The following PKP1 variants were observed in gnomAD, a reference collection of about 807,000 sequenced individuals.
PKP1 encodes plakophilin-1.
PKP1 carries 27 observed loss-of-function variants against 76.4 expected under a neutral mutation model. The ratio of observed to expected loss-of-function variants is 0.35; its 90% CI spans 0.26 to 0.49. The LOEUF (loss-of-function observed/expected upper bound fraction) is 0.49. Ranked by LOEUF, PKP1 falls within the 20% of genes least tolerant of loss-of-function variation. The pLI, the probability that PKP1 is intolerant of heterozygous loss-of-function variation, is 0.99. For missense variants in PKP1, 964 were observed against 955.2 expected (o/e 1.01, Z -0.12); for synonymous variants, 404 against 384.2 (o/e 1.05, Z -0.60).
At position 201,293,937 on chromosome 1, in the gene PKP1, T is replaced by C; in HGVS notation, c.203-5T>C. The C allele has an allele frequency of 6.2e-7, 1 of 1,602,848 alleles. No homozygotes were observed. Among genetic ancestry groups the C allele is most frequent in the East Asian group, 2.2e-5 (1 of 44,770 alleles). ...CCTGTCCTAATCCCCTCCTTTCTCCTCTAGGTTCCATGTATGATGGCTTGG... is the reference window on the plus strand; with the variant it reads ...CCTGTCCTAATCCCCTCCTTTCTCCCCTAGGTTCCATGTATGATGGCTTGG... On this transcript the variant is annotated splice_region_variant and splice_polypyrimidine_tract_variant and intron_variant, in intron 1 of 13. Transcript: ENST00000367324.
intron 2 of PKP1, among the ~76,000 whole-genome samples, chr1:201,294,437 G>T (rs1267565457): frequency 6.6e-6 from 1 of 152,130 alleles, no homozygotes; most frequent in Non-Finnish European, 1.5e-5. Context: ...CTGTGCCTAT[G>T]GTCAAAGAGC....
At chr1:201,311,967 T>G (rs1244772227) in intron 2 of PKP1, among the ~76,000 whole-genome samples, 2 of 152,202 alleles carry the variant, frequency 1.3e-5, no homozygotes, top group Admixed American at 6.5e-5. Context: ...GGAGGCCGAC[T>G]CCCCACTTGG....
intron 12 of PKP1, among the ~76,000 whole-genome samples, chr1:201,328,002 G>A (rs114121038): frequency 4.4e-3 from 673 of 152,290 alleles, no homozygotes; most frequent in Non-Finnish European, 5.8e-3. Context: ...GCAGGGCTTC[G>A]AACCGGCTGC....
intron 2 of PKP1, among the ~76,000 whole-genome samples, chr1:201,307,053 T>G (rs1656392233): frequency 6.6e-6 from 1 of 152,188 alleles, no homozygotes; most frequent in Admixed American, 6.5e-5. Context: ...CTGCTGTGCC[T>G]TCTCTCAGTG....
intron 1 of PKP1, among the ~76,000 whole-genome samples, chr1:201,288,965 A>G (rs1655819264): frequency 6.6e-6 from 1 of 152,188 alleles, no homozygotes; most frequent in African/African-American, 2.4e-5. Flanking sequence ...TCTGTTCAGT[A>G]CGTACACCCA....
chr1:201,313,659 A>G, intron 3 of PKP1, 99 bp downstream of exon 3: 1 of 1,281,758 alleles, frequency 7.8e-7, no homozygotes, highest in Non-Finnish European at 1.1e-6. Context: ...GGATGACAGG[A>G]GAGACATAGC....
intron 2 of PKP1, among the ~76,000 whole-genome samples, chr1:201,310,989 A>G (rs1656531408): frequency 1.3e-5 from 2 of 152,224 alleles, no homozygotes; most frequent in Admixed American, 1.3e-4. Context: ...AGGCTCAATC[A>G]GCATGATCAC....
intron 1 of PKP1, among the ~76,000 whole-genome samples, chr1:201,286,993 C>T (rs832168): frequency 0.64 from 96,529 of 152,010 alleles, 35,006 homozygotes; most frequent in East Asian, 0.91. Flanking sequence ...ATACAGATCA[C>T]ACCCAGCTCA....
intron 8 of PKP1, among the ~76,000 whole-genome samples, chr1:201,322,635 G>A (rs1177499893): frequency 6.6e-6 from 1 of 152,134 alleles, no homozygotes; most frequent in African/African-American, 2.4e-5. Flanking sequence ...CCCAGGGTGG[G>A]TCAAACCTAC....
At chr1:201,295,840 G>A (rs1163651858) in intron 2 of PKP1, among the ~76,000 whole-genome samples, 1 of 151,800 alleles carries the variant, frequency 6.6e-6, no homozygotes, top group East Asian at 1.9e-4. Flanking sequence ...ATGGAAATTT[G>A]TAACCAAGAA....
chr1:201,313,350 G>A lies in PKP1; in HGVS notation c.491G>A (p.Arg164Gln), dbSNP rs143927870. The A allele has an allele frequency of 2.0e-5, 32 of 1,585,600 alleles. No individual in the cohort carries two copies. Among genetic ancestry groups the A allele is most frequent in the Non-Finnish European group, 2.3e-5 (27 of 1,165,826 alleles). ...RSEPDLYCDPRGTLRKGTLGS... is the reference protein window; with the variant it reads ...RSEPDLYCDPQGTLRKGTLGS... ...GAGCCCGACCTCTACTGTGACCCAC[G>A]GGGCACCCTGCGCAAGGGCACGCTG... The change falls in exon 3 of 14, where the codon CGG becomes CAG. Residue 164 changes from arginine (R) to glutamine (Q), a missense_variant. Physicochemically the swap from Arg to Gln is conservative, Grantham distance 43. Coordinates refer to ENST00000367324, the MANE Select transcript of PKP1 (RefSeq NM_001005337.3).
intron 2 of PKP1, among the ~76,000 whole-genome samples, chr1:201,295,514 T>G (rs1431674993): frequency 6.6e-6 from 1 of 152,196 alleles, no homozygotes; most frequent in African/African-American, 2.4e-5. Context: ...GGCTTAGGAA[T>G]GCAGCATAAA....
chr1:201,289,465 C>T lies in PKP1; in HGVS notation c.203-4477C>T, dbSNP rs75622683. Among the ~76,000 whole-genome samples the T allele has an allele frequency of 5.4e-3, 827 of 152,262 alleles. 12 individuals are homozygous for T. The highest frequency in any genetic ancestry group is 0.019 in the African/African-American group (782 of 41,548). On this transcript the variant is annotated intron_variant, in intron 1 of 13. Transcript: ENST00000367324. ...AAGAATGTGTTCCGAGCAGCTTGCC[C>T]TGTGACGAAGGAGAAGGATTTGAGG...
intron 11 of PKP1, 117 bp from the exon 12 acceptor site, chr1:201,325,637 C>T (rs1347694637): frequency 1.1e-5 from 9 of 790,480 alleles, no homozygotes; most frequent in Non-Finnish European, 1.8e-5. Context: ...ACACCTGAGG[C>T]CTCCTCTGAG....
intron 2 of PKP1, among the ~76,000 whole-genome samples, chr1:201,312,839 C>T (rs1034852139): frequency 3.9e-5 from 6 of 152,166 alleles, no homozygotes; most frequent in African/African-American, 1.4e-4. Context: ...AACCCAGTAC[C>T]CATACACTGT....
chr1:201,328,666 G>A (rs1449006088), intron 12 of PKP1, 96 bp from the exon 13 acceptor site: 1 of 1,048,280 alleles, frequency 9.5e-7, no homozygotes, highest in Non-Finnish European at 1.5e-6. Flanking sequence ...GGCTGTGTGA[G>A]CCGAGGTTGC....
In PKP1 at chr1:201,330,430, A is replaced by G. The variant is rs1657283762; in HGVS notation, c.*389A>G. 2 of 152,230 alleles carry G rather than the reference A, an allele frequency of 1.3e-5. No individual in the cohort carries two copies. The allele number at this position is 152,230 out of a possible 1,614,324, so 9.4% of individuals were successfully genotyped here. A position where few individuals can be genotyped will look rare whatever the true frequency, so the allele number is the denominator to read the frequency against. On this transcript the variant is annotated 3_prime_UTR_variant, in exon 14 of 14. Coordinates refer to ENST00000367324, the MANE Select transcript of PKP1 (RefSeq NM_001005337.3). ...AACCACAAACTGCAAAAAGCTAGGT[A>G]AGCTATTTTGTTGCAGCTCATAAGG...
intron 1 of PKP1, among the ~76,000 whole-genome samples, chr1:201,292,969 T>A (rs1655963727): frequency 6.6e-6 from 1 of 152,162 alleles, no homozygotes; most frequent in Non-Finnish European, 1.5e-5. Flanking sequence ...GATTGCCTTG[T>A]GCAGAACTGA....
intron 2 of PKP1, among the ~76,000 whole-genome samples, chr1:201,307,534 G>C (rs1656407607): frequency 6.6e-6 from 1 of 152,200 alleles, no homozygotes. Flanking sequence ...ATTCTCGGCA[G>C]CCTTGCTCGG....
Sources: allele counts gnomAD v4.1 joint callset (sites outside exome capture counted in the v4.1 genomes callset), GRCh38; gene constraint gnomAD v4.1.1; transcripts MANE v1.5; gene names NCBI Gene and HGNC (gene_info 2026-07-23, HGNC 2026-07-21).